OSBPL1A: variants seen among roughly 807,000 people sequenced by gnomAD.
OSBPL1A encodes the protein oxysterol binding protein like 1A.
OSBPL1A carries 80 observed loss-of-function variants against 137.1 expected under a neutral mutation model. The ratio of observed to expected loss-of-function variants is 0.58; its 90% CI spans 0.49 to 0.70. The LOEUF is 0.70. Among genes scored for constraint, OSBPL1A ranks in the 30% least tolerant of loss-of-function variants. The pLI is 0.00. For synonymous variants in OSBPL1A, 365 were observed against 389.7 expected (o/e 0.94, Z 0.75); for missense variants, 970 against 1,129.4 (o/e 0.86, Z 2.02).
intron 17 of OSBPL1A, among the ~76,000 whole-genome samples, chr18:24,221,344 A>G (rs2145982143): frequency 6.6e-6 from 1 of 152,306 alleles, no homozygotes; most frequent in South Asian, 2.1e-4. Flanking sequence ...AAGCAATCAG[A>G]AGGGTGAATA....
At chr18:24,267,107 T>C (rs1361291605) in intron 15 of OSBPL1A, among the ~76,000 whole-genome samples, 1 of 138,882 alleles carries the variant, frequency 7.2e-6, no homozygotes, top group African/African-American at 2.7e-5. Flanking sequence ...AAAAAGAAAA[T>C]GGAAAAAGTT....
chr18:24,390,095 C>A (rs1385741077), intron 1 of OSBPL1A, among the ~76,000 whole-genome samples: 4 of 152,146 alleles, frequency 2.6e-5, no homozygotes, highest in Admixed American at 2.6e-4. Flanking sequence ...GAATAGAGTT[C>A]TTAAAGGTAT....
chr18:24,226,892 T>C (rs910449146), intron 16 of OSBPL1A, among the ~76,000 whole-genome samples: 5 of 142,630 alleles, frequency 3.5e-5, no homozygotes, highest in Non-Finnish European at 7.6e-5. Flanking sequence ...AACAGATTTT[T>C]TTTTTTTTTT....
intron 15 of OSBPL1A, among the ~76,000 whole-genome samples, chr18:24,266,879 A>G (rs2089589700): frequency 6.6e-6 from 1 of 152,182 alleles, no homozygotes; most frequent in Non-Finnish European, 1.5e-5. Flanking sequence ...ATCCAGGTTC[A>G]AAAGACAGAG....
intron 18 of OSBPL1A, among the ~76,000 whole-genome samples, chr18:24,188,096 T>C (rs1020053327): frequency 6.6e-6 from 1 of 152,218 alleles, no homozygotes; most frequent in Non-Finnish European, 1.5e-5. Context: ...AAAACACTCT[T>C]AAGGACTATC....
chr18:24,389,918 G>T (rs986597110), intron 1 of OSBPL1A, among the ~76,000 whole-genome samples: 1 of 151,748 alleles, frequency 6.6e-6, no homozygotes, highest in Non-Finnish European at 1.5e-5. Context: ...GTCCAGCCTG[G>T]GTGACAGAGT....
intron 2 of OSBPL1A, among the ~76,000 whole-genome samples, chr18:24,370,067 A>T (rs1905501875): frequency 6.6e-6 from 1 of 152,160 alleles, no homozygotes; most frequent in Non-Finnish European, 1.5e-5. Context: ...ACAGAGAATT[A>T]AAAAATTAGC....
rs1038437242 is a variant in OSBPL1A at position 24,162,338 on chromosome 18, T to G, written c.*841A>C. 3 of 152,236 alleles carry G rather than the reference T, an allele frequency of 2.0e-5. No individual in the cohort carries two copies. The highest frequency in any genetic ancestry group is 7.2e-5 in the African/African-American group (3 of 41,468). The allele number at this position is 152,236 out of a possible 1,614,324, so 9.4% of individuals were successfully genotyped here. ...CCTTTTATATAGTTTGATACTTACATGAGTGCAACTTACTTTCCCTAGTGG... is the reference window on the plus strand; with the variant it reads ...CCTTTTATATAGTTTGATACTTACAGGAGTGCAACTTACTTTCCCTAGTGG... On this transcript the variant is annotated 3_prime_UTR_variant, in exon 28 of 28. Coordinates refer to ENST00000319481, the MANE Select transcript of OSBPL1A (RefSeq NM_080597.4).
At position 24,396,198 on chromosome 18, in the gene OSBPL1A, C is replaced by T. The variant is rs59854173; in HGVS notation, c.-3+1457G>A. ...TCGCGCCACTGCACTCCAGCCTAGGCAACAGAGCGAGACTCTGTCTCAATT... is the reference window on the plus strand; with the variant it reads ...TCGCGCCACTGCACTCCAGCCTAGGTAACAGAGCGAGACTCTGTCTCAATT... On this transcript the variant is annotated intron_variant, in intron 1 of 27. Transcript: ENST00000319481. Among the ~76,000 whole-genome samples the T allele has an allele frequency of 1.2e-3, 173 of 144,758 alleles. 2 individuals are homozygous for T. The East Asian group carries it at 0.033, about 28-fold the overall frequency. 95.0% of individuals were successfully genotyped at this position (144,758 alleles called of 152,430 possible).
intron 17 of OSBPL1A, among the ~76,000 whole-genome samples, chr18:24,203,593 A>C (rs891498385): frequency 2.6e-5 from 4 of 152,090 alleles, no homozygotes; most frequent in African/African-American, 9.7e-5. Flanking sequence ...TTTATTTTTA[A>C]TGTAGTCTTT....
At chr18:24,343,571 C>T (rs1358624281) in intron 4 of OSBPL1A, among the ~76,000 whole-genome samples, 3 of 152,128 alleles carry the variant, frequency 2.0e-5, no homozygotes, top group Non-Finnish European at 4.4e-5. Flanking sequence ...TCAAAACTAA[C>T]TACAGAGTTA....
At chr18:24,298,151 T>C (rs976066192) in intron 14 of OSBPL1A, among the ~76,000 whole-genome samples, 16 of 152,066 alleles carry the variant, frequency 1.1e-4, no homozygotes, top group African/African-American at 3.9e-4. Flanking sequence ...CCATGACAGT[T>C]TACACATATC....
intron 14 of OSBPL1A, among the ~76,000 whole-genome samples, chr18:24,285,546 A>G (rs931690109): frequency 5.5e-4 from 84 of 152,218 alleles, no homozygotes; most frequent in African/African-American, 2.0e-3. Context: ...CATTTAACTG[A>G]AATATTTCCA....
chr18:24,185,550 A>C (rs2086725284), intron 18 of OSBPL1A, among the ~76,000 whole-genome samples: 1 of 151,788 alleles, frequency 6.6e-6, no homozygotes, highest in African/African-American at 2.4e-5. Context: ...TGAACTCCTG[A>C]CCTCGTGATC....
At chr18:24,340,968 T>G (rs2146154692) in intron 5 of OSBPL1A, among the ~76,000 whole-genome samples, 1 of 152,326 alleles carries the variant, frequency 6.6e-6, no homozygotes, top group Non-Finnish European at 1.5e-5. Context: ...TGTTGAGTAT[T>G]TGAAAAACAG....
chr18:24,165,030 A>C, intron 27 of OSBPL1A, 35 bp downstream of exon 27: 1 of 1,607,704 alleles, frequency 6.2e-7, no homozygotes, highest in African/African-American at 1.3e-5. Flanking sequence ...AGCCTGCCTG[A>C]GGGCTCAGCC....
intron 16 of OSBPL1A, among the ~76,000 whole-genome samples, chr18:24,232,413 T>C (rs766414783): frequency 6.6e-6 from 1 of 152,204 alleles, no homozygotes; most frequent in Non-Finnish European, 1.5e-5. Context: ...ATTAGCCAAA[T>C]GGTAGGGTAT....
At chr18:24,366,272 C>T (rs541372465) in intron 4 of OSBPL1A, 2 of 152,338 alleles carry the variant, frequency 1.3e-5, no homozygotes, top group African/African-American at 4.8e-5. Flanking sequence ...ACGTGTTCAG[C>T]TACCCAGGAG....
At chr18:24,176,024 C>A (rs2145917403) in intron 21 of OSBPL1A, among the ~76,000 whole-genome samples, 1 of 152,338 alleles carries the variant, frequency 6.6e-6, no homozygotes, top group East Asian at 1.9e-4. Context: ...TTGGCCACCA[C>A]CACACTGTCT....
Sources: gnomAD v4.1 joint callset for allele counts (sites outside exome capture counted in the v4.1 genomes callset) on GRCh38, gnomAD v4.1.1 for gene constraint, MANE v1.5 for transcripts, NCBI Gene and HGNC (gene_info 2026-07-23, HGNC 2026-07-21) for gene names.